The following PHF2 variants were observed in gnomAD, a reference collection of about 807,000 sequenced individuals.
PHF2 encodes the protein PHD finger protein 2, also known as lysine-specific demethylase PHF2.
In PHF2, 27 loss-of-function variants were observed where a neutral mutation model predicts 120.5. The observed-to-expected ratio is 0.22, with a 90% CI of 0.17 to 0.31. The LOEUF is 0.31. Among genes scored for constraint, PHF2 ranks in the 10% least tolerant of loss-of-function variants. The pLI is 1.00. For missense variants in PHF2, 1,024 were observed against 1,434.8 expected, an observed-to-expected ratio of 0.71 and a Z score of 4.63; for synonymous variants, 568 against 592.5, an observed-to-expected ratio of 0.96 and a Z score of 0.60.
intron 1 of PHF2, among the ~76,000 whole-genome samples, chr9:93,615,247 ATGGTGATGGTGATGAT>A (rs1452491607): frequency 3.4e-5 from 5 of 146,822 alleles, no homozygotes; most frequent in South Asian, 2.2e-4. Flanking sequence ...GATGGTGTTG[ATGGTGATGGTGATGAT>A]TGGTGATGGT....
chr9:93,619,533 C>A (rs1825789525), intron 1 of PHF2, among the ~76,000 whole-genome samples: 1 of 152,222 alleles, frequency 6.6e-6, no homozygotes. Context: ...TCAGATGGCC[C>A]CCAGTGGCCT....
In PHF2 at chr9:93,677,969, C is replaced by T; in HGVS notation, c.*293C>T. The T allele has an allele frequency of 2.7e-6, 1 of 374,086 alleles. No individual in the cohort carries two copies. Among genetic ancestry groups the T allele is most frequent in the South Asian group, 3.7e-5 (1 of 26,692 alleles). The allele number at this position is 374,086 out of a possible 1,614,324, so 23.2% of individuals were successfully genotyped here. On this transcript the variant is annotated 3_prime_UTR_variant, in exon 22 of 22. Transcript: ENST00000359246. The surrounding 1 kb of genome is among the most constrained non-coding windows in gnomAD (Gnocchi z 4.4). ...ACTTTAAGGACAGCCTTCAGGCCCCCTGAGCGTGGGTGTGATTGCAGGGCC... is the reference window on the plus strand; with the variant it reads ...ACTTTAAGGACAGCCTTCAGGCCCCTTGAGCGTGGGTGTGATTGCAGGGCC...
rs1441156346 is a variant in PHF2, at chr9:93,678,669, T to C, written c.*993T>C. ...TTGTTTCTCAGGCAATCCTGTATTT[T>C]AATTTTAGATGTATTTCCTGAAGCA... On this transcript the variant is annotated 3_prime_UTR_variant, in exon 22 of 22. Transcript: ENST00000359246. The C allele has an allele frequency of 6.5e-6, 1 of 152,742 alleles. No individual in the cohort carries two copies. The highest frequency in any genetic ancestry group is 1.5e-5 in the Non-Finnish European group (1 of 68,196). 9.5% of individuals were successfully genotyped at this position (152,742 alleles called of 1,614,324 possible).
chr9:93,599,028 A>G (rs1825385836), intron 1 of PHF2, among the ~76,000 whole-genome samples: 2 of 151,988 alleles, frequency 1.3e-5, no homozygotes, highest in Admixed American at 1.3e-4. Context: ...CATTTATTGC[A>G]CTGTTGCTCA....
At chr9:93,615,767 G>A (rs981698191) in intron 1 of PHF2, among the ~76,000 whole-genome samples, 2 of 152,144 alleles carry the variant, frequency 1.3e-5, no homozygotes, top group African/African-American at 2.4e-5. Flanking sequence ...ACACCTGGGG[G>A]ACTCCAAACA....
chr9:93,582,257 T>C (rs535113645), intron 1 of PHF2, among the ~76,000 whole-genome samples: 1 of 152,268 alleles, frequency 6.6e-6, no homozygotes, highest in Non-Finnish European at 1.5e-5. Flanking sequence ...GCACCTGGCT[T>C]AGGTTATTCT....
chr9:93,662,793 T>C (rs1826601310), intron 12 of PHF2, 114 bp from the exon 13 acceptor site: 1 of 1,251,268 alleles, frequency 8.0e-7, no homozygotes, highest in Non-Finnish European at 1.1e-6. Context: ...GGTAGATGGA[T>C]GGAGGCTTGA....
intron 2 of PHF2, among the ~76,000 whole-genome samples, chr9:93,633,408 A>G (rs1826032961): frequency 6.6e-6 from 1 of 152,180 alleles, no homozygotes; most frequent in Admixed American, 6.5e-5. Context: ...GCGGCCCTGA[A>G]TTGCAGCTCC....
At chr9:93,641,390 T>G (rs1159395502) in intron 3 of PHF2, among the ~76,000 whole-genome samples, 1 of 152,250 alleles carries the variant, frequency 6.6e-6, no homozygotes, top group African/African-American at 2.4e-5. Flanking sequence ...TACAGGTCAC[T>G]GCCTCCAGCA....
At chr9:93,668,742 C>T (rs1013418080) in intron 17 of PHF2, among the ~76,000 whole-genome samples, 10 of 152,182 alleles carry the variant, frequency 6.6e-5, no homozygotes, top group African/African-American at 2.2e-4. Flanking sequence ...AACAAAAGAC[C>T]CAGAGCTTCC....
intron 1 of PHF2, among the ~76,000 whole-genome samples, chr9:93,581,904 C>T (rs769517652): frequency 3.3e-5 from 5 of 152,212 alleles, no homozygotes; most frequent in Admixed American, 6.5e-5. Flanking sequence ...AATAGTGTTC[C>T]GTGACACAGT....
In PHF2 at chr9:93,662,936, C is replaced by T. The variant is rs1387114701; in HGVS notation, c.1728C>T (p.Asn576=). The change falls in exon 13 of 22, where the codon AAC becomes AAT. Residue 576 remains asparagine, a synonymous_variant. Transcript: ENST00000359246. ...CAAAGAGTGTCCTGAGTGTGCCCAA[C>T]AAAGATGTGGTTCACATGCAGAATG... ...KATKSVLSVP[N]KDVVHMQNDV... 6.2e-7 allele frequency: 1 copy of T among 1,613,898 alleles called. No individual in the cohort carries two copies. The highest frequency in any genetic ancestry group is 1.3e-5 in the African/African-American group (1 of 74,866).
chr9:93,649,227 C>T lies in PHF2; in HGVS notation c.602+15C>T. On this transcript the variant is annotated intron_variant, in intron 5 of 21. Coordinates refer to ENST00000359246, the MANE Select transcript of PHF2 (RefSeq NM_005392.4). ...TCTGACACCCGGTGAGTGCTACCAC[C>T]CTGGGGGTGTGGGGGCTGGGGTTGG... The T allele has an allele frequency of 6.5e-7, 1 of 1,546,406 alleles. No homozygotes were observed. Among genetic ancestry groups the T allele is most frequent in the Non-Finnish European group, 8.7e-7 (1 of 1,144,722 alleles).
intron 1 of PHF2, among the ~76,000 whole-genome samples, chr9:93,611,090 C>T (rs1187908215): frequency 6.6e-6 from 1 of 152,092 alleles, no homozygotes; most frequent in African/African-American, 2.4e-5. Context: ...TTTTGACTTG[C>T]ATTCTATACA....
intron 3 of PHF2, among the ~76,000 whole-genome samples, chr9:93,639,719 C>G (rs986864040): frequency 2.6e-5 from 4 of 152,204 alleles, no homozygotes; most frequent in Non-Finnish European, 4.4e-5. Context: ...TGCAAGAAGG[C>G]AGCCCCCACC....
chr9:93,607,857 A>G (rs560942940), intron 1 of PHF2, among the ~76,000 whole-genome samples: 99 of 152,088 alleles, frequency 6.5e-4, no homozygotes, highest in Non-Finnish European at 1.2e-3. Flanking sequence ...TCCTTGCTAT[A>G]TAATTGCTTA....
At position 93,666,035 on chromosome 9, in the gene PHF2, C is replaced by T. The variant is rs372646548; in HGVS notation, c.2162C>T (p.Pro721Leu). 42 of 1,613,158 alleles carry T rather than the reference C, an allele frequency of 2.6e-5. No homozygotes were observed. In the African/African-American group the frequency reaches 5.5e-4, roughly 21 times the overall value. ...KAVLPTPVTKPKLDSAAYKSD... is the reference protein window; with the variant it reads ...KAVLPTPVTKLKLDSAAYKSD... ...GTGCTGCCCACGCCTGTCACGAAGC[C>T]AAAGCTGGACTCGGCAGCGTACAAG... Residue 721 changes from proline to leucine, a missense_variant, in exon 16 of 22, where the codon CCA (proline) becomes CTA (leucine). Pro to Leu is a moderately conservative substitution (Grantham distance 98). Coordinates refer to ENST00000359246, the MANE Select transcript of PHF2 (RefSeq NM_005392.4).
At chr9:93,662,768 A>G in intron 12 of PHF2, 139 bp from the exon 13 acceptor site, 1 of 888,530 alleles carries the variant, frequency 1.1e-6, no homozygotes. Flanking sequence ...GGGTGGGTGA[A>G]TGGATGCGTG....
At chr9:93,657,071 G>T (rs1017218508) in intron 9 of PHF2, among the ~76,000 whole-genome samples, 3 of 152,132 alleles carry the variant, frequency 2.0e-5, no homozygotes, top group Non-Finnish European at 4.4e-5. Context: ...TCCCCGGGCC[G>T]CCCTTTTCTG....
Sources: allele counts gnomAD v4.1 joint callset (sites outside exome capture counted in the v4.1 genomes callset), GRCh38; gene constraint gnomAD v4.1.1; non-coding constraint Gnocchi (gnomAD v3.1); transcripts MANE v1.5; gene names NCBI Gene and HGNC (gene_info 2026-07-23, HGNC 2026-07-21).